The following KATNIP variants were observed in gnomAD, a reference collection of about 807,000 sequenced individuals.
The protein encoded by KATNIP is katanin interacting protein, also known as katanin-interacting protein.
A neutral mutation model predicts 174.0 loss-of-function variants in KATNIP; 126 were observed. The observed-to-expected ratio is 0.72, with a 90% CI of 0.63 to 0.84. KATNIP has a LOEUF of 0.84. KATNIP is among the 40% of genes least tolerant of loss of function. The pLI, the probability that KATNIP is intolerant of heterozygous loss-of-function variation, is 0.00. For synonymous variants in KATNIP, 810 were observed against 835.7 expected (o/e 0.97, Z 0.53); for missense variants, 1,958 against 2,109.7 (o/e 0.93, Z 1.41).
chr16:27,583,401 C>G (rs953631916), intron 2 of KATNIP, among the ~76,000 whole-genome samples: 2 of 152,180 alleles, frequency 1.3e-5, no homozygotes, highest in Non-Finnish European at 2.9e-5. Flanking sequence ...CCTCCACCCC[C>G]AGAAGTCACT....
At position 27,745,938 on chromosome 16, in the gene KATNIP, G is replaced by A. The variant is rs569182513; in HGVS notation, c.2624-3646G>A. ...GCTCTCATGTCAAAGAGGTCTAAGA[G>A]CAAGGCTCAACTCCTCTGCTTTTTT... On this transcript the variant is annotated intron_variant, in intron 15 of 27. Coordinates refer to ENST00000261588, the MANE Select transcript of KATNIP (RefSeq NM_015202.5). Among the ~76,000 whole-genome samples the A allele has an allele frequency of 5.4e-4, 80 of 148,584 alleles. 1 individual carries two copies. Among genetic ancestry groups the A allele is most frequent in the Non-Finnish European group, 4.2e-4 (28 of 67,312 alleles).
At chr16:27,586,742 T>G (rs1397568409) in intron 2 of KATNIP, among the ~76,000 whole-genome samples, 3 of 150,794 alleles carry the variant, frequency 2.0e-5, no homozygotes, top group Middle Eastern at 6.8e-3. Flanking sequence ...GGTCGGAGGA[T>G]CACCTGAGCC....
chr16:27,696,443 G>A (rs949323037), intron 8 of KATNIP, among the ~76,000 whole-genome samples: 1 of 152,122 alleles, frequency 6.6e-6, no homozygotes, highest in Non-Finnish European at 1.5e-5. Flanking sequence ...TCATCACCCA[G>A]GTAATAAGCA....
chr16:27,751,867 C>T lies in KATNIP; in HGVS notation c.3495C>T (p.Ala1165=), dbSNP rs746022960. ...DEEAMRRPST[A]DGEGDERPFT... ...AGGCAATGAGGAGGCCCAGCACGGC[C>T]GACGGCGAGGGGGATGAGCGGCCCT... is the stretch of plus-strand genomic sequence containing the variant. Residue 1165 remains alanine, a synonymous_variant, in exon 17 of 28, where the codon GCC becomes GCT. Coordinates refer to ENST00000261588, the MANE Select transcript of KATNIP (RefSeq NM_015202.5). The T allele has an allele frequency of 8.7e-6, 14 of 1,613,586 alleles. No individual in the cohort carries two copies. The highest frequency in any genetic ancestry group is 2.2e-5 in the South Asian group (2 of 91,062).
At chr16:27,703,727 TA>T (rs779906905) in intron 11 of KATNIP, among the ~76,000 whole-genome samples, 168 bp from the exon 12 acceptor site, 8 of 152,212 alleles carry the variant, frequency 5.3e-5, no homozygotes, top group Non-Finnish European at 1.2e-4. Context: ...TGTAGCCATT[TA>T]TAAAGGGAGA....
chr16:27,735,934 A>G (rs1237792587), intron 14 of KATNIP, among the ~76,000 whole-genome samples: 2 of 152,178 alleles, frequency 1.3e-5, no homozygotes, highest in East Asian at 3.8e-4. Context: ...TCATTCTTAG[A>G]GCACTGTTGA....
Position 27,681,460 on chromosome 16 carries a change from CACCAAACCTGA to C in KATNIP, c.871_881del (p.Thr291AlafsTer40). The stretch of plus-strand genomic sequence containing the variant: ...AGGACAATGCTGAGGTTTTCGTTCC[CACCAAACCTGA>C]GCCAAACCTGACTCCCCAAGCTCCT... On this transcript the variant is annotated frameshift_variant, in exon 8 of 28. Transcript: ENST00000261588. LOFTEE classifies it high-confidence loss of function. 1 of 1,614,164 alleles carries C rather than the reference CACCAAACCTGA, an allele frequency of 6.2e-7. No individual in the cohort carries two copies. Among genetic ancestry groups the C allele is most frequent in the South Asian group, 1.1e-5 (1 of 91,088 alleles).
At chr16:27,564,910 T>A (rs542737089) in intron 1 of KATNIP, among the ~76,000 whole-genome samples, 37 of 151,960 alleles carry the variant, frequency 2.4e-4, no homozygotes, top group Non-Finnish European at 2.9e-4. Context: ...ATTAAAGGCA[T>A]GCGCCACCAC....
chr16:27,601,246 C>T (rs536085266), intron 2 of KATNIP, among the ~76,000 whole-genome samples: 2 of 152,296 alleles, frequency 1.3e-5, no homozygotes, highest in Admixed American at 1.3e-4. Flanking sequence ...CGCATTGTCC[C>T]TGCTCTCGTG....
At chr16:27,568,997 A>G (rs761993799) in intron 1 of KATNIP, among the ~76,000 whole-genome samples, 5 of 152,208 alleles carry the variant, frequency 3.3e-5, no homozygotes, top group Non-Finnish European at 5.9e-5. Context: ...GAGTGATTAC[A>G]ATATGAATAG....
At chr16:27,732,475 C>G (rs1044846115) in intron 14 of KATNIP, among the ~76,000 whole-genome samples, 6 of 152,204 alleles carry the variant, frequency 3.9e-5, no homozygotes, top group Non-Finnish European at 7.3e-5. Flanking sequence ...TTCCCCTGTC[C>G]TTGAAGGTCT....
intron 3 of KATNIP, among the ~76,000 whole-genome samples, chr16:27,625,642 T>C (rs2076309789): frequency 6.6e-6 from 1 of 152,180 alleles, no homozygotes; most frequent in Non-Finnish European, 1.5e-5. Context: ...CCTGCCACAA[T>C]TGGTGAAAAG....
intron 2 of KATNIP, among the ~76,000 whole-genome samples, chr16:27,601,157 C>T (rs952316466): frequency 6.6e-5 from 10 of 152,142 alleles, no homozygotes; most frequent in Non-Finnish European, 1.3e-4. Flanking sequence ...TCTGTTCCTC[C>T]GTGTTCTTTC....
chr16:27,648,879 A>T (rs981508729), intron 6 of KATNIP, 144 bp downstream of exon 6: 2 of 1,034,930 alleles, frequency 1.9e-6, no homozygotes, highest in Non-Finnish European at 2.8e-6. Flanking sequence ...CGTTCATTTC[A>T]CACAGTTTGA....
chr16:27,710,649 A>G (rs1049476113), intron 13 of KATNIP, among the ~76,000 whole-genome samples: 1 of 152,124 alleles, frequency 6.6e-6, no homozygotes, highest in African/African-American at 2.4e-5. Flanking sequence ...CTACAGGCAC[A>G]CAACACCACA....
At chr16:27,686,954 A>G (rs2078546865) in intron 8 of KATNIP, among the ~76,000 whole-genome samples, 1 of 152,194 alleles carries the variant, frequency 6.6e-6, no homozygotes, top group African/African-American at 2.4e-5. Flanking sequence ...CATTATTTCT[A>G]GTGATTATTA....
chr16:27,742,648 C>T (rs1468882345), intron 15 of KATNIP, among the ~76,000 whole-genome samples: 4 of 152,142 alleles, frequency 2.6e-5, no homozygotes, highest in Non-Finnish European at 5.9e-5. Flanking sequence ...TGTAAAATGA[C>T]ACTAATAATA....
Position 27,750,438 on chromosome 16 carries a change from G to C in KATNIP, c.3346+132G>C, listed in dbSNP as rs184184203. On this transcript the variant is annotated intron_variant, in intron 16 of 27. Coordinates refer to ENST00000261588, the MANE Select transcript of KATNIP (RefSeq NM_015202.5). The stretch of plus-strand genomic sequence containing the variant: ...CTCTTTCTTTTTTTTTTTTTTTTTT[G>C]AGACGGAGTCTTGCTCTGTCCCCCA... The C allele has an allele frequency of 4.9e-3, 3,355 of 685,688 alleles. 83 individuals carry two copies. In the African/African-American group the frequency reaches 0.086, roughly 18 times the overall value. 42.5% of individuals were successfully genotyped at this position (685,688 alleles called of 1,614,324 possible). A position where few individuals can be genotyped will look rare whatever the true frequency, so the allele number is the denominator to read the frequency against.
intron 14 of KATNIP, among the ~76,000 whole-genome samples, chr16:27,733,552 G>A (rs962715130): frequency 2.2e-5 from 3 of 137,388 alleles, no homozygotes; most frequent in Non-Finnish European, 3.1e-5. Flanking sequence ...TTCACACCAA[G>A]GAAACAAGAA....
Sources: gnomAD v4.1 joint callset for allele counts (sites outside exome capture counted in the v4.1 genomes callset) on GRCh38, gnomAD v4.1.1 for gene constraint, MANE v1.5 for transcripts, NCBI Gene and HGNC (gene_info 2026-07-23, HGNC 2026-07-21) for gene names.